Variants in ALKAL1 observed in about 807,000 individuals in gnomAD.
ALKAL1 encodes AUG-beta.
A neutral mutation model predicts 13.5 loss-of-function variants in ALKAL1; 23 were observed. The ratio of observed to expected loss-of-function variants is 1.70; its 90% CI spans 1.23 to 2.41. The LOEUF is 2.41. Ranked by LOEUF, ALKAL1 falls within the 30% of genes most tolerant of loss-of-function variation. ALKAL1 has a pLI of 0.00. For synonymous variants in ALKAL1, 85 were observed against 77.7 expected, an observed-to-expected ratio of 1.09 and a Z score of -0.49; for missense variants, 181 against 178.4, an observed-to-expected ratio of 1.01 and a Z score of -0.08.
intron 1 of ALKAL1, among the ~76,000 whole-genome samples, chr8:52,554,841 T>C (rs1847465376): frequency 1.3e-5 from 2 of 151,964 alleles, no homozygotes; most frequent in South Asian, 4.2e-4. Context: ...AAGAGATGGG[T>C]CAACTGCAGC....
chr8:52,551,636 C>G (rs946364671), intron 1 of ALKAL1, among the ~76,000 whole-genome samples: 6 of 151,768 alleles, frequency 4.0e-5, no homozygotes, highest in African/African-American at 1.2e-4. Context: ...ATCACTCACT[C>G]CAGGTTATTT....
intron 1 of ALKAL1, among the ~76,000 whole-genome samples, chr8:52,543,519 G>T (rs76705040): frequency 6.6e-6 from 1 of 152,216 alleles, no homozygotes; most frequent in African/African-American, 2.4e-5. Flanking sequence ...GGTTCAGGGC[G>T]TGATTGTGTG....
intron 1 of ALKAL1, among the ~76,000 whole-genome samples, chr8:52,554,884 C>G (rs998261517): frequency 6.6e-6 from 1 of 152,108 alleles, no homozygotes; most frequent in Non-Finnish European, 1.5e-5. Flanking sequence ...AGATAAAGGC[C>G]GACAGGGCCG....
intron 1 of ALKAL1, among the ~76,000 whole-genome samples, chr8:52,562,543 G>A (rs1371199275): frequency 1.3e-5 from 2 of 152,126 alleles, no homozygotes; most frequent in Non-Finnish European, 2.9e-5. Context: ...AATCCTCGGG[G>A]CATGCTGTCT....
chr8:52,563,874 G>A (rs1847574659), intron 1 of ALKAL1, among the ~76,000 whole-genome samples: 2 of 152,182 alleles, frequency 1.3e-5, no homozygotes, highest in Non-Finnish European at 2.9e-5. Flanking sequence ...GTGCACCAGC[G>A]CCTCCTTCCA....
Position 52,565,380 on chromosome 8 carries a change from C to A in ALKAL1, c.-124G>T, listed in dbSNP as rs1211788767. 1.0e-5 allele frequency: 7 copies of A among 701,302 alleles called. No individual in the cohort carries two copies. The allele number at this position is 701,302 out of a possible 1,614,324, so 43.4% of individuals were successfully genotyped here. A position where few individuals can be genotyped will look rare whatever the true frequency, so the allele number is the denominator to read the frequency against. ...CGGCTACGCGGCCGGCCGCAGTCTT[C>A]ACCGCGCGCCTGCCCTTGTCTACGT... On this transcript the variant is annotated 5_prime_UTR_variant, in exon 1 of 5. Coordinates refer to ENST00000358543, the MANE Select transcript of ALKAL1 (RefSeq NM_207413.4).
intron 1 of ALKAL1, among the ~76,000 whole-genome samples, chr8:52,542,803 C>G (rs1590865924): frequency 6.6e-6 from 1 of 152,318 alleles, no homozygotes; most frequent in East Asian, 1.9e-4. Flanking sequence ...AGAAGTTATG[C>G]TTGACTTCCT....
At chr8:52,552,118 A>G (rs1377195496) in intron 1 of ALKAL1, among the ~76,000 whole-genome samples, 1 of 152,062 alleles carries the variant, frequency 6.6e-6, no homozygotes, top group African/African-American at 2.4e-5. Context: ...CTTGGCCGTG[A>G]TAGTCTCTCA....
intron 1 of ALKAL1, among the ~76,000 whole-genome samples, chr8:52,542,657 A>T (rs1158411349): frequency 2.0e-5 from 3 of 152,146 alleles, no homozygotes; most frequent in Non-Finnish European, 2.9e-5. Flanking sequence ...CATGAAGGGT[A>T]CCTTACAGAT....
chr8:52,539,732 T>C (rs1847294573), intron 3 of ALKAL1, 99 bp downstream of exon 3: 1 of 841,530 alleles, frequency 1.2e-6, no homozygotes, highest in Admixed American at 2.5e-5. Context: ...ATCTCAATGT[T>C]TAGTCTACTA....
intron 1 of ALKAL1, among the ~76,000 whole-genome samples, chr8:52,564,267 G>A (rs1328795106): frequency 6.6e-6 from 1 of 152,168 alleles, no homozygotes; most frequent in Non-Finnish European, 1.5e-5. Flanking sequence ...AGAAACGTGT[G>A]AGGAGCTTCT....
intron 1 of ALKAL1, among the ~76,000 whole-genome samples, chr8:52,552,625 A>T (rs1847440703): frequency 6.6e-6 from 1 of 152,248 alleles, no homozygotes; most frequent in Non-Finnish European, 1.5e-5. Context: ...ATTTTGTGTT[A>T]TAATCTAATA....
chr8:52,538,472 C>T lies in ALKAL1; in HGVS notation c.361G>A (p.Ala121Thr). ...KRCARLLTRL[A>T]VSPLCSQT The stretch of plus-strand genomic sequence containing the variant: ...GTCTGGGAGCACAGTGGACTCACTG[C>T]TAATCTTGTTAACAATCTAGCACAT... Residue 121 changes from alanine to threonine, a missense_variant, in exon 4 of 5, where the codon GCA becomes ACA. Ala to Thr is a moderately conservative substitution (Grantham distance 58, BLOSUM62 0). Transcript: ENST00000358543. 1 of 1,611,082 alleles carries T rather than the reference C, an allele frequency of 6.2e-7. No homozygotes were observed. The highest frequency in any genetic ancestry group is 8.5e-7 in the Non-Finnish European group (1 of 1,177,756).
At chr8:52,562,389 T>A (rs921461907) in intron 1 of ALKAL1, among the ~76,000 whole-genome samples, 2 of 152,066 alleles carry the variant, frequency 1.3e-5, no homozygotes, top group Admixed American at 6.5e-5. Context: ...ATGTTGCCCA[T>A]CCCAACGACC....
rs1189384954 is a variant in ALKAL1, at chr8:52,565,291, G to C, written c.-35C>G. The C allele has an allele frequency of 6.3e-6, 8 of 1,260,976 alleles. No individual in the cohort carries two copies. Among genetic ancestry groups the C allele is most frequent in the Non-Finnish European group, 7.1e-6 (7 of 985,004 alleles). 78.1% of individuals were successfully genotyped at this position (1,260,976 alleles called of 1,614,324 possible). On this transcript the variant is annotated 5_prime_UTR_variant, in exon 1 of 5. Transcript: ENST00000358543. ...CCGGGAGGAGAGAGCGGGAGACTCC[G>C]GGAGGATCCCGACGCAGGTCCGGAG...
rs188504120 is a variant in ALKAL1 at position 52,543,903 on chromosome 8, G to T, written c.191-1458C>A. Among the ~76,000 whole-genome samples the T allele has an allele frequency of 2.8e-4, 43 of 152,154 alleles. No homozygotes were observed. The East Asian group carries it at 8.1e-3, about 29-fold the overall frequency. On this transcript the variant is annotated intron_variant, in intron 1 of 4. Coordinates refer to ENST00000358543, the MANE Select transcript of ALKAL1 (RefSeq NM_207413.4). Reference sequence around the variant, plus strand: ...TTTTAGAGTATAATTTTAATCTCTAGACCCTGTGACAATGATGACACTCAG... The same window carrying T: ...TTTTAGAGTATAATTTTAATCTCTATACCCTGTGACAATGATGACACTCAG...
intron 1 of ALKAL1, among the ~76,000 whole-genome samples, chr8:52,561,278 G>A (rs898635242): frequency 6.6e-6 from 1 of 152,162 alleles, no homozygotes. Flanking sequence ...CAGTATTTAA[G>A]TATGTCTAGT....
In ALKAL1 at chr8:52,543,548, G is replaced by A. The variant is rs529558398; in HGVS notation, c.191-1103C>T. The stretch of plus-strand genomic sequence containing the variant: ...TTGTGTGGGTGCGCAGGAATGCAGA[G>A]AGATCGGAGCTCCCCCACCATTTGA... On this transcript the variant is annotated intron_variant, in intron 1 of 4. Transcript: ENST00000358543. 2.8e-4 allele frequency among the ~76,000 whole-genome samples: 42 copies of A among 152,328 alleles called. 2 individuals are homozygous for A. In the South Asian group the frequency reaches 8.7e-3, roughly 32 times the overall value.
chr8:52,562,772 T>G (rs769530521), intron 1 of ALKAL1, among the ~76,000 whole-genome samples: 5 of 152,184 alleles, frequency 3.3e-5, no homozygotes, highest in African/African-American at 4.8e-5. Context: ...GGGGCCATCA[T>G]TCCAGGCACA....
Sources: gnomAD v4.1 joint callset for allele counts (sites outside exome capture counted in the v4.1 genomes callset) on GRCh38, gnomAD v4.1.1 for gene constraint, MANE v1.5 for transcripts, NCBI Gene and HGNC (gene_info 2026-07-23, HGNC 2026-07-21) for gene names.